The following KRAS variants were observed in gnomAD, a reference collection of about 807,000 sequenced individuals.
The protein encoded by KRAS is KRas proto-oncogene, GTPase, also known as GTPase KRas.
A neutral mutation model predicts 21.0 loss-of-function variants in KRAS; 1 was observed. The observed-to-expected ratio is 0.05, with a 90% CI of 0.02 to 0.23. KRAS has a LOEUF of 0.23. Among genes scored for constraint, KRAS ranks in the 10% least tolerant of loss-of-function variants. KRAS has a pLI of 1.00. For synonymous variants in KRAS, 67 were observed against 72.5 expected (o/e 0.92, Z 0.39); for missense variants, 107 against 221.8 (o/e 0.48, Z 3.29).
intron 4 of KRAS, among the ~76,000 whole-genome samples, chr12:25,220,966 A>C (rs1249625283): frequency 6.8e-6 from 1 of 146,608 alleles, no homozygotes; most frequent in African/African-American, 2.5e-5. Flanking sequence ...AGGAGGTTGC[A>C]ATCAGCCAAG....
rs1951122387 is a variant in KRAS at position 25,205,252 on chromosome 12, G to C, written c.*4543C>G. On this transcript the variant is annotated 3_prime_UTR_variant, in exon 5 of 5. Transcript: ENST00000311936. ...GAATAAATACACACTCATAGTCACT[G>C]TAACTATTTTTATTACATTACAATA... The C allele has an allele frequency of 4.7e-6, 1 of 214,680 alleles. No individual in the cohort carries two copies. Among genetic ancestry groups the C allele is most frequent in the South Asian group, 1.9e-4 (1 of 5,362 alleles). The allele number at this position is 214,680 out of a possible 1,614,324, so 13.3% of individuals were successfully genotyped here. A position where few individuals can be genotyped will look rare whatever the true frequency, so the allele number is the denominator to read the frequency against.
At chr12:25,234,425 C>T (rs533976946) in intron 2 of KRAS, 2 of 182,644 alleles carry the variant, frequency 1.1e-5, no homozygotes, top group Non-Finnish European at 2.3e-5. Flanking sequence ...CTATAAAGCA[C>T]TAAGAGTGCA....
At chr12:25,240,509 T>C (rs1951597850) in intron 2 of KRAS, among the ~76,000 whole-genome samples, 2 of 152,198 alleles carry the variant, frequency 1.3e-5, no homozygotes, top group South Asian at 4.1e-4. Context: ...GTAATAGGTA[T>C]TACAAGAAAT....
chr12:25,238,286 G>A (rs950753814), intron 2 of KRAS, among the ~76,000 whole-genome samples: 2 of 152,178 alleles, frequency 1.3e-5, no homozygotes, highest in Admixed American at 6.5e-5. Flanking sequence ...GAGCATACAT[G>A]TGTAACCTGT....
intron 1 of KRAS, among the ~76,000 whole-genome samples, chr12:25,245,863 G>C (rs1376741471): frequency 6.6e-6 from 1 of 152,156 alleles, no homozygotes; most frequent in Non-Finnish European, 1.5e-5. Flanking sequence ...AGTGTTAGAA[G>C]TCAATATGCA....
At chr12:25,242,225 T>TA (rs1189038990) in intron 2 of KRAS, among the ~76,000 whole-genome samples, 2 of 152,114 alleles carry the variant, frequency 1.3e-5, no homozygotes, top group Non-Finnish European at 2.9e-5. Context: ...GTCAAACAAT[T>TA]AGAGCCTGGG....
chr12:25,243,509 T>C (rs1038470457), intron 2 of KRAS, among the ~76,000 whole-genome samples: 1 of 152,216 alleles, frequency 6.6e-6, no homozygotes, highest in Non-Finnish European at 1.5e-5. Context: ...AACATTTATA[T>C]TGCATTTTAA....
chr12:25,211,635 T>C (rs1422551335), intron 4 of KRAS, among the ~76,000 whole-genome samples: 2 of 152,122 alleles, frequency 1.3e-5, no homozygotes, highest in African/African-American at 4.8e-5. Flanking sequence ...ACTACTAAGA[T>C]TAACGATATT....
chr12:25,225,884 T>C, intron 3 of KRAS, 111 bp from the exon 4 acceptor site: 2 of 940,708 alleles, frequency 2.1e-6, no homozygotes, highest in Admixed American at 2.1e-5. Context: ...ATGTAATTCC[T>C]AGTTTCCACT....
At chr12:25,241,522 A>G (rs1951609907) in intron 2 of KRAS, among the ~76,000 whole-genome samples, 1 of 152,216 alleles carries the variant, frequency 6.6e-6, no homozygotes, top group Non-Finnish European at 1.5e-5. Context: ...TTAAAGTTTA[A>G]ATCTTTGTTA....
At chr12:25,248,382 G>A (rs911696579) in intron 1 of KRAS, among the ~76,000 whole-genome samples, 1 of 143,124 alleles carries the variant, frequency 7.0e-6, no homozygotes, top group African/African-American at 2.5e-5. Flanking sequence ...CCTGAGAGTC[G>A]GAGGTAGTAG....
intron 4 of KRAS, among the ~76,000 whole-genome samples, chr12:25,219,540 C>T (rs1592801923): frequency 1.3e-5 from 2 of 152,274 alleles, no homozygotes; most frequent in Admixed American, 6.5e-5. Context: ...TCTGCAAATT[C>T]TTGCAAAACT....
chr12:25,233,778 T>C (rs1055992620), intron 2 of KRAS: 4 of 207,332 alleles, frequency 1.9e-5, no homozygotes, highest in Non-Finnish European at 3.9e-5. Context: ...TTGAACGCTA[T>C]AGGTAATTAG....
chr12:25,220,683 C>T (rs1592802754), intron 4 of KRAS, among the ~76,000 whole-genome samples: 1 of 149,532 alleles, frequency 6.7e-6, no homozygotes, highest in African/African-American at 2.5e-5. Flanking sequence ...GCCAGGATCG[C>T]GCCACTGCAC....
At chr12:25,224,804 T>C (rs1951369678) in intron 4 of KRAS, among the ~76,000 whole-genome samples, 1 of 152,148 alleles carries the variant, frequency 6.6e-6, no homozygotes, top group Non-Finnish European at 1.5e-5. Context: ...TTTGTGTAAG[T>C]ATATTCTATG....
chr12:25,238,064 T>C (rs909481045), intron 2 of KRAS, among the ~76,000 whole-genome samples: 3 of 152,138 alleles, frequency 2.0e-5, no homozygotes, highest in African/African-American at 7.2e-5. Context: ...GAATTTTCAA[T>C]TAAAAACTAA....
chr12:25,213,186 T>TGTGAC (rs1951216827), intron 4 of KRAS, among the ~76,000 whole-genome samples: 1 of 152,192 alleles, frequency 6.6e-6, no homozygotes, highest in Non-Finnish European at 1.5e-5. Context: ...ATCAAACAAT[T>TGTGAC]GTGACATTCA....
intron 2 of KRAS, chr12:25,234,903 G>C: frequency 4.2e-6 from 1 of 240,844 alleles, no homozygotes; most frequent in Non-Finnish European, 8.0e-6. Flanking sequence ...TATAGATTTT[G>C]TTTACTATAT....
At chr12:25,232,735 C>A (rs1016076778) in intron 2 of KRAS, among the ~76,000 whole-genome samples, 1 of 152,006 alleles carries the variant, frequency 6.6e-6, no homozygotes, top group Non-Finnish European at 1.5e-5. Flanking sequence ...CCCCATAGTC[C>A]CCCCACTCCC....
Sources: allele counts gnomAD v4.1 joint callset (sites outside exome capture counted in the v4.1 genomes callset), GRCh38; gene constraint gnomAD v4.1.1; transcripts MANE v1.5; gene names NCBI Gene and HGNC (gene_info 2026-07-23, HGNC 2026-07-21).